The following ALDH3A2 variants were observed in gnomAD, a reference collection of about 807,000 sequenced individuals.
ALDH3A2 encodes aldehyde dehydrogenase 3 family member A2.
ALDH3A2 carries 36 observed loss-of-function variants against 51.3 expected under a neutral mutation model. The ratio of observed to expected loss-of-function variants is 0.70; its 90% CI spans 0.54 to 0.93. ALDH3A2 has a LOEUF of 0.93. Ranked by LOEUF, ALDH3A2 falls within the 40% of genes least tolerant of loss-of-function variation. ALDH3A2 has a pLI of 0.00. For missense variants in ALDH3A2, 552 were observed against 603.1 expected, an observed-to-expected ratio of 0.92 and a Z score of 0.89; for synonymous variants, 199 against 219.8, an observed-to-expected ratio of 0.91 and a Z score of 0.84.
At chr17:19,655,698 T>G (rs1354437091) in intron 3 of ALDH3A2, among the ~76,000 whole-genome samples, 1 of 152,218 alleles carries the variant, frequency 6.6e-6, no homozygotes, top group Non-Finnish European at 1.5e-5. Flanking sequence ...TTACTTTTGA[T>G]GCTGTTATTG....
At chr17:19,650,786 A>T (rs2084805383) in intron 1 of ALDH3A2, among the ~76,000 whole-genome samples, 1 of 152,024 alleles carries the variant, frequency 6.6e-6, no homozygotes, top group African/African-American at 2.4e-5. Context: ...TCTGCATTAC[A>T]TGTGTAGCAA....
intron 7 of ALDH3A2, among the ~76,000 whole-genome samples, chr17:19,663,851 G>T (rs147741897): frequency 6.6e-6 from 1 of 152,214 alleles, no homozygotes; most frequent in Non-Finnish European, 1.5e-5. Context: ...CTGAATAACA[G>T]CCTGCACAAA....
rs1424051673 is a variant in ALDH3A2 at position 19,677,146 on chromosome 17, A to T, written c.*1574A>T. The stretch of plus-strand genomic sequence containing the variant: ...CAGGGCAGGCAGTTCTATGCCTTGG[A>T]GCTCCTGACTGCAGGGACTCTGTCC... On this transcript the variant is annotated 3_prime_UTR_variant, in exon 10 of 10. Coordinates refer to ENST00000176643, the MANE Select transcript of ALDH3A2 (RefSeq NM_000382.3). 2 of 152,226 alleles carry T rather than the reference A, an allele frequency of 1.3e-5. No homozygotes were observed. The highest frequency in any genetic ancestry group is 4.8e-5 in the African/African-American group (2 of 41,450). The allele number at this position is 152,226 out of a possible 1,614,324, so 9.4% of individuals were successfully genotyped here.
intron 3 of ALDH3A2, among the ~76,000 whole-genome samples, chr17:19,653,424 A>G (rs2084845810): frequency 6.6e-6 from 1 of 152,142 alleles, no homozygotes; most frequent in African/African-American, 2.4e-5. Flanking sequence ...TACAGTTCTT[A>G]AAGATGGTGT....
rs928133636 is a variant in ALDH3A2, at chr17:19,672,076, C to T, written c.1443+120C>T. ...AGTCTAAGACAGGGTCAGTGAACCA[C>T]AGCCTGCTGGCCAGCTACCCGTTTT... On this transcript the variant is annotated intron_variant, in intron 9 of 9. Transcript: ENST00000176643. 4 of 975,408 alleles carry T rather than the reference C, an allele frequency of 4.1e-6. No homozygotes were observed. The African/African-American group carries it at 6.4e-5, about 16-fold the overall frequency. The allele number at this position is 975,408 out of a possible 1,614,324, so 60.4% of individuals were successfully genotyped here.
rs746039061 is a variant in ALDH3A2, at chr17:19,663,420, A to G, written c.1028A>G (p.Lys343Arg). 3.1e-6 allele frequency: 5 copies of G among 1,614,216 alleles called. No homozygotes were observed. In the South Asian group the frequency reaches 3.3e-5, roughly 11 times the overall value. ...CCAATTCTTCCAATAGTGCCTGTGA[A>G]AAATGTAGATGAGGCCATAAATTTC... is the stretch of plus-strand genomic sequence containing the variant. ...FGPILPIVPV[K>R]NVDEAINFIN... The change falls in exon 7 of 10, where the codon AAA becomes AGA. Residue 343 changes from lysine to arginine, a missense_variant. Transcript: ENST00000176643.
At chr17:19,674,230 C>T (rs1030927343) in intron 9 of ALDH3A2, 1 of 152,148 alleles carries the variant, frequency 6.6e-6, no homozygotes, top group African/African-American at 2.4e-5. Flanking sequence ...CAATATCTGT[C>T]TCTTTTGTTC....
At chr17:19,649,417 G>T in intron 1 of ALDH3A2, 1 of 380,214 alleles carries the variant, frequency 2.6e-6, no homozygotes, top group Non-Finnish European at 4.8e-6. Context: ...GGAACTCTTT[G>T]TATATTCTGG....
chr17:19,652,840 A>G (rs984722439), intron 3 of ALDH3A2: 17 of 586,482 alleles, frequency 2.9e-5, no homozygotes, highest in African/African-American at 2.5e-4. Flanking sequence ...GTTACACAAT[A>G]TATGTAGGCC....
intron 3 of ALDH3A2, 118 bp downstream of exon 3, chr17:19,652,750 T>C (rs528468655): frequency 8.1e-6 from 7 of 864,416 alleles, no homozygotes; most frequent in Admixed American, 5.5e-5. Context: ...TCTTTAAGCC[T>C]TCAACAGTTG....
chr17:19,675,010 G>A (rs1195304930), intron 9 of ALDH3A2: 2 of 153,856 alleles, frequency 1.3e-5, no homozygotes, highest in Non-Finnish European at 2.9e-5. Flanking sequence ...AGAAGGCATT[G>A]TGGGAGATGT....
chr17:19,669,747 G>A (rs1005573917), intron 8 of ALDH3A2, among the ~76,000 whole-genome samples: 13 of 151,938 alleles, frequency 8.6e-5, no homozygotes, highest in African/African-American at 2.4e-4. Context: ...CAATCTTCCC[G>A]CCTCAGCCTC....
chr17:19,652,529 A>G lies in ALDH3A2; in HGVS notation c.386-18A>G. 1.9e-6 allele frequency: 3 copies of G among 1,588,130 alleles called. No homozygotes were observed. The highest frequency in any genetic ancestry group is 2.2e-5 in the East Asian group (1 of 44,782). On this transcript the variant is annotated intron_variant, in intron 2 of 9. Transcript: ENST00000176643. ...GTTAAATATTAGATGATACTGTTCT[A>G]CTTTTTACTTTATTTAGGAAATGCT...
chr17:19,661,013 G>A lies in ALDH3A2; in HGVS notation c.799-114G>A. On this transcript the variant is annotated intron_variant, in intron 5 of 9. Transcript: ENST00000176643. ...AAATTACTTGAGGGGTGGGGTGTTAGATTCTGTGAGGATATAAAACCAGAT... is the reference window on the plus strand; with the variant it reads ...AAATTACTTGAGGGGTGGGGTGTTAAATTCTGTGAGGATATAAAACCAGAT... 8 of 1,060,052 alleles carry A rather than the reference G, an allele frequency of 7.5e-6. No homozygotes were observed. In the South Asian group the frequency reaches 9.5e-5, roughly 13 times the overall value. The allele number at this position is 1,060,052 out of a possible 1,614,324, so 65.7% of individuals were successfully genotyped here. A position where few individuals can be genotyped will look rare whatever the true frequency, so the allele number is the denominator to read the frequency against.
In ALDH3A2 at chr17:19,651,793, T is replaced by TA. The variant is rs367682991; in HGVS notation, c.385+16dup. On this transcript the variant is annotated intron_variant, in intron 2 of 9. Transcript: ENST00000176643. Reference sequence around the variant, plus strand: ...CATCGCTGCAGGTCTGGTGCCACCTTATGTCTATATACCTTTTTAGGGAGG... The same window carrying TA: ...CATCGCTGCAGGTCTGGTGCCACCTTAATGTCTATATACCTTTTTAGGGAGG... The TA allele has an allele frequency of 6.2e-7, 1 of 1,600,814 alleles. No homozygotes were observed. Among genetic ancestry groups the TA allele is most frequent in the African/African-American group, 1.3e-5 (1 of 74,784 alleles).
At chr17:19,671,384 A>G (rs2085110493) in intron 8 of ALDH3A2, among the ~76,000 whole-genome samples, 1 of 152,220 alleles carries the variant, frequency 6.6e-6, no homozygotes, top group African/African-American at 2.4e-5. Flanking sequence ...TCTGGAAATG[A>G]GGCTGCTGAT....
intron 4 of ALDH3A2, among the ~76,000 whole-genome samples, chr17:19,657,307 T>G (rs867555614): frequency 2.6e-4 from 40 of 152,366 alleles, no homozygotes; most frequent in African/African-American, 9.4e-4. Context: ...GAGGATGGCC[T>G]TGGAGGCTGG....
intron 9 of ALDH3A2, chr17:19,673,218 C>A: frequency 6.2e-7 from 1 of 1,614,048 alleles, no homozygotes; most frequent in South Asian, 1.1e-5. Flanking sequence ...CTGCGTTGGT[C>A]CAGTAAGCAG....
chr17:19,672,766 G>C (rs565038610), intron 9 of ALDH3A2, among the ~76,000 whole-genome samples: 1 of 152,070 alleles, frequency 6.6e-6, no homozygotes, highest in African/African-American at 2.4e-5. Context: ...AAAGGGGGCC[G>C]GCGCAGTGGC....
Sources: allele counts gnomAD v4.1 joint callset (sites outside exome capture counted in the v4.1 genomes callset), GRCh38; gene constraint gnomAD v4.1.1; transcripts MANE v1.5; gene names NCBI Gene and HGNC (gene_info 2026-07-23, HGNC 2026-07-21).